MAP7: variants seen among roughly 807,000 people sequenced by gnomAD.
MAP7 encodes microtubule associated protein 7, also known as ensconsin.
MAP7 carries 52 observed loss-of-function variants against 94.8 expected under a neutral mutation model. The observed-to-expected ratio is 0.55, with a 90% CI of 0.44 to 0.69. MAP7 has a LOEUF of 0.69. Among genes scored for constraint, MAP7 ranks in the 30% least tolerant of loss-of-function variants. The pLI, the probability that MAP7 is intolerant of heterozygous loss-of-function variation, is 0.00. For missense variants in MAP7, 940 were observed against 964.6 expected (o/e 0.97, Z 0.34); for synonymous variants, 350 against 357.0 (o/e 0.98, Z 0.22).
intron 1 of MAP7, among the ~76,000 whole-genome samples, chr6:136,500,545 CAA>C (rs1024593335): frequency 3.9e-5 from 6 of 152,150 alleles, no homozygotes; most frequent in Non-Finnish European, 8.8e-5. Flanking sequence ...CTAAATAAAT[CAA>C]ATTCTTTTCA....
At chr6:136,415,659 T>A (rs1789158619) in intron 2 of MAP7, among the ~76,000 whole-genome samples, 1 of 152,244 alleles carries the variant, frequency 6.6e-6, no homozygotes, top group Non-Finnish European at 1.5e-5. Flanking sequence ...CTGATTTCTA[T>A]GCTATCATTT....
At chr6:136,529,074 G>A (rs1290628366) in intron 1 of MAP7, among the ~76,000 whole-genome samples, 1 of 152,084 alleles carries the variant, frequency 6.6e-6, no homozygotes, top group Admixed American at 6.6e-5. Flanking sequence ...GGGATATGGT[G>A]AGACCTTAAA....
intron 1 of MAP7, among the ~76,000 whole-genome samples, chr6:136,479,622 C>A (rs1412675861): frequency 6.6e-6 from 1 of 152,082 alleles, no homozygotes; most frequent in Non-Finnish European, 1.5e-5. Flanking sequence ...AAGACGTTAC[C>A]AAAATACTAT....
intron 1 of MAP7, among the ~76,000 whole-genome samples, chr6:136,527,721 T>C (rs892516690): frequency 1.3e-5 from 2 of 152,228 alleles, no homozygotes; most frequent in African/African-American, 2.4e-5. Flanking sequence ...TTTGTAATTA[T>C]TTTCAAGGTA....
At chr6:136,435,574 T>G (rs941921163) in intron 1 of MAP7, among the ~76,000 whole-genome samples, 1 of 152,246 alleles carries the variant, frequency 6.6e-6, no homozygotes, top group Non-Finnish European at 1.5e-5. Flanking sequence ...ATGATGCATA[T>G]GCCCTAAACT....
chr6:136,369,227 T>C (rs550546138), intron 8 of MAP7, among the ~76,000 whole-genome samples: 3 of 152,300 alleles, frequency 2.0e-5, no homozygotes, highest in South Asian at 2.1e-4. Context: ...AGATACTCAA[T>C]TGGTGAAAAG....
intron 1 of MAP7, among the ~76,000 whole-genome samples, chr6:136,422,225 G>A (rs1244206114): frequency 6.6e-6 from 1 of 152,174 alleles, no homozygotes; most frequent in Non-Finnish European, 1.5e-5. Flanking sequence ...GGGTCACTGA[G>A]TCTCTGCAGT....
chr6:136,462,062 G>A (rs529250533), intron 1 of MAP7, among the ~76,000 whole-genome samples: 1 of 151,960 alleles, frequency 6.6e-6, no homozygotes, highest in African/African-American at 2.4e-5. Flanking sequence ...GCCAGGCATA[G>A]TGTCATACTT....
intron 6 of MAP7, among the ~76,000 whole-genome samples, chr6:136,379,126 A>G (rs879777345): frequency 2.6e-5 from 4 of 152,230 alleles, no homozygotes; most frequent in Non-Finnish European, 4.4e-5. Flanking sequence ...AGTGTTCTAT[A>G]TAACTATCTT....
chr6:136,511,470 A>C (rs1372243807), intron 1 of MAP7, among the ~76,000 whole-genome samples: 1 of 150,222 alleles, frequency 6.7e-6, no homozygotes, highest in Non-Finnish European at 1.5e-5. Flanking sequence ...CTACCCACAA[A>C]GAACCTGTTT....
intron 1 of MAP7, among the ~76,000 whole-genome samples, chr6:136,438,577 T>C (rs1270630603): frequency 6.6e-6 from 1 of 152,196 alleles, no homozygotes; most frequent in Non-Finnish European, 1.5e-5. Flanking sequence ...TGACCTGTCC[T>C]GACCCTAGGA....
At chr6:136,519,304 T>C (rs897708221) in intron 1 of MAP7, among the ~76,000 whole-genome samples, 1 of 152,208 alleles carries the variant, frequency 6.6e-6, no homozygotes, top group Non-Finnish European at 1.5e-5. Context: ...ACCACTGTTC[T>C]AAAATACATT....
chr6:136,391,568 A>AACC (rs1390942596), intron 3 of MAP7, among the ~76,000 whole-genome samples: 2 of 151,756 alleles, frequency 1.3e-5, no homozygotes, highest in East Asian at 3.9e-4. Flanking sequence ...CAACAACAAC[A>AACC]ACAACAACAA....
At chr6:136,431,290 C>A (rs1200826690) in intron 1 of MAP7, among the ~76,000 whole-genome samples, 1 of 152,030 alleles carries the variant, frequency 6.6e-6, no homozygotes, top group East Asian at 1.9e-4. Flanking sequence ...ATGTATGCTT[C>A]CAAAATTTCT....
At chr6:136,418,503 C>A (rs1790246230) in intron 2 of MAP7, among the ~76,000 whole-genome samples, 1 of 152,198 alleles carries the variant, frequency 6.6e-6, no homozygotes, top group Non-Finnish European at 1.5e-5. Context: ...GCGTGAGCCA[C>A]CGGCGCCTGG....
chr6:136,359,751 T>A, intron 15 of MAP7, 69 bp downstream of exon 15: 1 of 1,419,570 alleles, frequency 7.0e-7, no homozygotes, highest in Non-Finnish European at 9.8e-7. Context: ...TTCCTGAATA[T>A]CTTCACCCCT....
chr6:136,494,863 C>A (rs1817717929), intron 1 of MAP7, among the ~76,000 whole-genome samples: 1 of 152,166 alleles, frequency 6.6e-6, no homozygotes, highest in South Asian at 2.1e-4. Flanking sequence ...CCTTGAGAGC[C>A]TTTGAATCCA....
At chr6:136,374,489 A>G (rs1234108740) in intron 7 of MAP7, among the ~76,000 whole-genome samples, 1 of 152,218 alleles carries the variant, frequency 6.6e-6, no homozygotes. Context: ...CACCTTGCTC[A>G]AGGATCAAGA....
chr6:136,534,521 T>C (rs1269469288), intron 1 of MAP7, among the ~76,000 whole-genome samples: 1 of 152,272 alleles, frequency 6.6e-6, no homozygotes, highest in African/African-American at 2.4e-5. Context: ...GAGATTAAGA[T>C]ACTCCATTCC....
Sources: allele counts gnomAD v4.1 joint callset (sites outside exome capture counted in the v4.1 genomes callset), GRCh38; gene constraint gnomAD v4.1.1; transcripts MANE v1.5; gene names NCBI Gene and HGNC (gene_info 2026-07-23, HGNC 2026-07-21).